ANKFN1: variants seen among roughly 807,000 people sequenced by gnomAD.
ANKFN1 encodes ankyrin repeat and fibronectin type III domain containing 1, also known as ankyrin repeat and fibronectin type-III domain-containing protein 1.
Under a neutral mutation model 108.7 loss-of-function variants are expected in ANKFN1, and 74 were observed. That is an observed-to-expected ratio of 0.68 (90% confidence interval 0.56 to 0.83). The LOEUF (loss-of-function observed/expected upper bound fraction) is 0.83. Among genes scored for constraint, ANKFN1 ranks in the 40% least tolerant of loss-of-function variants. The probability of loss-of-function intolerance (pLI) is 0.00; values close to 1 mark genes in which losing one functional copy is unlikely to be tolerated. For missense variants in ANKFN1, 1,505 were observed against 1,382.3 expected (o/e 1.09, Z -1.41); for synonymous variants, 547 against 516.2 (o/e 1.06, Z -0.81).
At chr17:56,297,393 G>C (rs1430560755) in intron 3 of ANKFN1, among the ~76,000 whole-genome samples, 1 of 152,292 alleles carries the variant, frequency 6.6e-6, no homozygotes, top group African/African-American at 2.4e-5. Context: ...AGGAGGGTGA[G>C]AGCAATCTAC....
At chr17:56,317,162 T>C (rs536826140) in intron 3 of ANKFN1, among the ~76,000 whole-genome samples, 2 of 152,258 alleles carry the variant, frequency 1.3e-5, no homozygotes, top group South Asian at 4.1e-4. Flanking sequence ...CTTCTTGACA[T>C]CATAACATGT....
intron 4 of ANKFN1, among the ~76,000 whole-genome samples, chr17:56,116,421 A>T (rs1361016334): frequency 6.6e-6 from 1 of 152,150 alleles, no homozygotes; most frequent in Non-Finnish European, 1.5e-5. Context: ...CTCATGTTGA[A>T]ATTTGATCCC....
chr17:56,232,504 A>G (rs1262326306), intron 3 of ANKFN1, among the ~76,000 whole-genome samples: 1 of 152,150 alleles, frequency 6.6e-6, no homozygotes, highest in African/African-American at 2.4e-5. Context: ...ATGATGCAAA[A>G]TATATTTATC....
chr17:56,506,974 T>C (rs910065803), intron 20 of ANKFN1, among the ~76,000 whole-genome samples: 16 of 152,238 alleles, frequency 1.1e-4, no homozygotes, highest in African/African-American at 3.9e-4. Context: ...GTTCTTAGCA[T>C]CATGGCTGGC....
chr17:56,182,484 C>G (rs1911781830), intron 1 of ANKFN1, among the ~76,000 whole-genome samples: 1 of 152,108 alleles, frequency 6.6e-6, no homozygotes, highest in Non-Finnish European at 1.5e-5. Flanking sequence ...AAAACCTAGT[C>G]CAGAGCAAGA....
At chr17:56,394,212 A>G (rs904947020) in intron 8 of ANKFN1, among the ~76,000 whole-genome samples, 1 of 152,204 alleles carries the variant, frequency 6.6e-6, no homozygotes, top group African/African-American at 2.4e-5. Context: ...ACTGTGGTTC[A>G]CAGCTCTCTT....
At position 56,101,970 on chromosome 17, in the gene ANKFN1, T is replaced by G. The variant is rs568460005; in HGVS notation, c.288+55645T>G. Among the ~76,000 whole-genome samples, 5 of 152,334 alleles carry G rather than the reference T, an allele frequency of 3.3e-5. No individual in the cohort carries two copies. In the South Asian group the frequency reaches 1.0e-3, roughly 32 times the overall value. ...TTGAGAAGCAATTAGTTATGTCGAT[T>G]TGAACATAGTTTTCAAAGATTCCAT... is the stretch of plus-strand genomic sequence containing the variant. On this transcript the variant is annotated intron_variant, in intron 4 of 12. Coordinates refer to the ANKFN1 transcript ENST00000635860.
Position 56,369,018 on chromosome 17 carries a change from G to A in ANKFN1, c.602-3628G>A, listed in dbSNP as rs144147035. 8.2e-3 allele frequency among the ~76,000 whole-genome samples: 1,246 copies of A among 152,280 alleles called. 12 individuals are homozygous for A. Among genetic ancestry groups the A allele is most frequent in the African/African-American group, 0.025 (1,055 of 41,550 alleles). On this transcript the variant is annotated intron_variant, in intron 6 of 20. Coordinates refer to ENST00000682825, the MANE Select transcript of ANKFN1 (RefSeq NM_001370326.1). ...TTGCTGCATTCTAATGCATGTATTC[G>A]GGTTAGGGGAATGGAAGGAATGCTC... is the stretch of plus-strand genomic sequence containing the variant.
intron 4 of ANKFN1, among the ~76,000 whole-genome samples, chr17:56,051,896 A>C (rs1904782766): frequency 6.6e-6 from 1 of 150,668 alleles, no homozygotes; most frequent in South Asian, 2.1e-4. Flanking sequence ...AGAACTACAA[A>C]CCACTGCTCA....
chr17:56,048,460 C>CTGA (rs1223371038), intron 4 of ANKFN1, among the ~76,000 whole-genome samples: 2 of 152,124 alleles, frequency 1.3e-5, no homozygotes, highest in Non-Finnish European at 2.9e-5. Context: ...TATCTAGAGC[C>CTGA]TGATGCACAT....
intron 4 of ANKFN1, among the ~76,000 whole-genome samples, chr17:56,105,504 TTCTC>T (rs1169611225): frequency 6.6e-6 from 1 of 152,020 alleles, no homozygotes; most frequent in Non-Finnish European, 1.5e-5. Flanking sequence ...CTTTTTTTCT[TTCTC>T]TTTCTCTTTT....
At chr17:56,310,748 T>TTGTGTGTGTGTGTG in intron 3 of ANKFN1, among the ~76,000 whole-genome samples, 1 of 150,186 alleles carries the variant, frequency 6.7e-6, no homozygotes, top group African/African-American at 2.4e-5. Context: ...CACAATTACT[T>TTGTGTGTGTGTGTG]TGTGTGTGTG....
intron 3 of ANKFN1, among the ~76,000 whole-genome samples, chr17:56,308,227 T>G (rs898969428): frequency 6.2e-5 from 8 of 128,528 alleles, no homozygotes; most frequent in Admixed American, 1.6e-4. Context: ...CCCTACAACT[T>G]AAAGTATAAT....
intron 4 of ANKFN1, among the ~76,000 whole-genome samples, chr17:56,102,224 C>T (rs1905661477): frequency 6.6e-6 from 1 of 152,190 alleles, no homozygotes; most frequent in Non-Finnish European, 1.5e-5. Context: ...TCTGGAGATA[C>T]TCCTTCTTTT....
intron 4 of ANKFN1, among the ~76,000 whole-genome samples, chr17:56,145,711 C>T (rs1354129313): frequency 6.6e-6 from 1 of 152,144 alleles, no homozygotes; most frequent in Non-Finnish European, 1.5e-5. Flanking sequence ...TGCCCCTGGA[C>T]CCTCCCAAAT....
intron 20 of ANKFN1, among the ~76,000 whole-genome samples, chr17:56,503,727 C>T (rs1202814356): frequency 6.6e-6 from 1 of 151,748 alleles, no homozygotes; most frequent in Non-Finnish European, 1.5e-5. Context: ...TTGGCCTGAC[C>T]CACAGAGACC....
In ANKFN1 at chr17:56,253,747, A is replaced by C. The variant is rs190386446; in HGVS notation, c.53+25790A>C. On this transcript the variant is annotated intron_variant, in intron 3 of 20. Transcript: ENST00000682825. ...GAGTAAGATCTTGTCTCAAAAAAAT[A>C]AAAATAAAAAGGCCAGAACATTATG... Among the ~76,000 whole-genome samples the C allele has an allele frequency of 2.1e-4, 32 of 152,300 alleles. No homozygotes were observed. In the East Asian group the frequency reaches 6.0e-3, roughly 28 times the overall value.
chr17:56,498,825 T>G, intron 19 of ANKFN1, 57 bp from the exon 20 acceptor site: 10 of 1,385,872 alleles, frequency 7.2e-6, no homozygotes, highest in Middle Eastern at 3.6e-4. Context: ...CAGGGAAATG[T>G]ATTCCTTTTT....
At chr17:56,259,901 C>T (rs926293989) in intron 3 of ANKFN1, among the ~76,000 whole-genome samples, 1 of 142,154 alleles carries the variant, frequency 7.0e-6, no homozygotes, top group Non-Finnish European at 1.5e-5. Context: ...TCCCCCACCC[C>T]ACCTCCAAAC....
Sources: gnomAD v4.1 joint callset for allele counts (sites outside exome capture counted in the v4.1 genomes callset) on GRCh38, gnomAD v4.1.1 for gene constraint, MANE v1.5 for transcripts, NCBI Gene and HGNC (gene_info 2026-07-23, HGNC 2026-07-21) for gene names.